The following CHD1L variants were observed in gnomAD, a reference collection of about 807,000 sequenced individuals.
CHD1L encodes ATP-dependent chromatin remodeler CHD1L.
In CHD1L, 118 loss-of-function variants were observed where a neutral mutation model predicts 115.9. The ratio of observed to expected loss-of-function variants is 1.02; its 90% CI spans 0.88 to 1.19. The LOEUF (loss-of-function observed/expected upper bound fraction) is 1.19, where lower values mean the gene tolerates loss of function less well. Ranked by LOEUF, CHD1L falls within the 50% of genes most tolerant of loss-of-function variation. The pLI is 0.00. For missense variants in CHD1L, 1,179 were observed against 1,065.3 expected, an observed-to-expected ratio of 1.11 and a Z score of -1.49; for synonymous variants, 411 against 387.1, an observed-to-expected ratio of 1.06 and a Z score of -0.72.
chr1:147,205,066 C>T, the CHD1L span: 1 of 627,264 alleles, frequency 1.6e-6, no homozygotes, highest in Non-Finnish European at 2.8e-6. Flanking sequence ...CCATACCAGA[C>T]TACATGCAAG....
intron 14 of CHD1L, among the ~76,000 whole-genome samples, chr1:147,276,672 G>C (rs1678594434): frequency 6.6e-6 from 1 of 152,170 alleles, no homozygotes. Context: ...ATGAGATCAG[G>C]AATTCATAAT....
At chr1:147,216,519 C>G in the CHD1L span, among the ~76,000 whole-genome samples, 4 of 152,130 alleles carry the variant, frequency 2.6e-5, no homozygotes, top group Non-Finnish European at 4.4e-5. Flanking sequence ...CCAGCGTTTT[C>G]TGGAGAGCAG....
chr1:147,292,776 T>C (rs1393017698), intron 20 of CHD1L, among the ~76,000 whole-genome samples: 5 of 152,130 alleles, frequency 3.3e-5, no homozygotes, highest in Admixed American at 3.3e-4. Flanking sequence ...TCATGTGAAC[T>C]ACCAGAGCAA....
chr1:147,192,717 A>T, the CHD1L span, among the ~76,000 whole-genome samples: 1 of 152,140 alleles, frequency 6.6e-6, no homozygotes, highest in African/African-American at 2.4e-5. Context: ...AGTTTTTAGC[A>T]TGAAGTGTTG....
At chr1:147,187,422 G>A in the CHD1L span, among the ~76,000 whole-genome samples, 1 of 152,140 alleles carries the variant, frequency 6.6e-6, no homozygotes, top group African/African-American at 2.4e-5. Flanking sequence ...TACAAAAGGA[G>A]ATAAGACAGA....
the CHD1L span, chr1:147,212,633 AT>A: frequency 1.8e-6 from 2 of 1,135,816 alleles, no homozygotes; most frequent in South Asian, 3.0e-5. Context: ...GTTTAAGCAT[AT>A]ATTCTCCAAG....
chr1:147,223,284 C>G, the CHD1L span, among the ~76,000 whole-genome samples: 61,864 of 151,984 alleles, frequency 0.41, 13,211 homozygotes, highest in East Asian at 0.69. Context: ...TGATGATACA[C>G]GTATGCAGGT....
At chr1:147,181,407 C>A in the CHD1L span, among the ~76,000 whole-genome samples, 1 of 152,258 alleles carries the variant, frequency 6.6e-6, no homozygotes, top group Middle Eastern at 3.4e-3. Flanking sequence ...CTAGCCCCAA[C>A]TAAAAACCTC....
the CHD1L span, chr1:147,184,544 TTGA>T: frequency 6.5e-7 from 1 of 1,548,840 alleles, no homozygotes; most frequent in East Asian, 2.5e-5. This position sits in a 1 kb window ranked among gnomAD's most constrained non-coding sequence, Gnocchi z 4.4. Context: ...ACTTTCTTTG[TTGA>T]TGATCTTGAC....
At position 147,265,974 on chromosome 1, in the gene CHD1L, G is replaced by C. The variant is rs202226947; in HGVS notation, c.782G>C (p.Arg261Pro). The C allele has an allele frequency of 6.2e-7, 1 of 1,613,644 alleles. No individual in the cohort carries two copies. Among genetic ancestry groups the C allele is most frequent in the Non-Finnish European group, 8.5e-7 (1 of 1,179,820 alleles). ...CTCTTGCAGCCATTTCTGCTGAGGC[G>C]AGTGAAAGCTGAGGTAGCTACAGAG... ...HKLLQPFLLRRVKAEVATELP... is the reference protein window; with the variant it reads ...HKLLQPFLLRPVKAEVATELP... Residue 261 changes from arginine (R) to proline (P), a missense_variant, in exon 8 of 23, where the codon CGA becomes CCA. Physicochemically the swap from Arg to Pro is moderately radical, Grantham distance 103. Coordinates refer to ENST00000369258, the MANE Select transcript of CHD1L (RefSeq NM_004284.6).
intron 5 of CHD1L, among the ~76,000 whole-genome samples, chr1:147,257,492 C>T (rs899193192): frequency 6.6e-6 from 1 of 151,956 alleles, no homozygotes; most frequent in South Asian, 2.1e-4. Flanking sequence ...GAAAGTCAGT[C>T]ACTGGAAAGA....
intron 1 of CHD1L, among the ~76,000 whole-genome samples, chr1:147,246,133 G>A (rs945140453): frequency 3.3e-5 from 5 of 152,148 alleles, no homozygotes; most frequent in African/African-American, 7.2e-5. Flanking sequence ...AAAATGATAG[G>A]TGAGTAAAAT....
intron 6 of CHD1L, among the ~76,000 whole-genome samples, chr1:147,262,266 C>T (rs1412824014): frequency 1.3e-5 from 2 of 151,284 alleles, no homozygotes; most frequent in Non-Finnish European, 2.9e-5. Flanking sequence ...ACAATTTATG[C>T]GACATTCATG....
intron 8 of CHD1L, among the ~76,000 whole-genome samples, chr1:147,267,087 A>G (rs1674234013): frequency 1.3e-5 from 2 of 152,236 alleles, no homozygotes; most frequent in African/African-American, 2.4e-5. Flanking sequence ...ATTGGAAGTG[A>G]CAAGGGAAAG....
intron 19 of CHD1L, among the ~76,000 whole-genome samples, chr1:147,288,825 G>T (rs6593755): frequency 0.62 from 94,172 of 152,018 alleles, 29,302 homozygotes; most frequent in South Asian, 0.67. Context: ...TAAAGCTGTT[G>T]GGTGCCAGGG....
the CHD1L span, chr1:147,203,582 G>T: frequency 1.9e-6 from 2 of 1,053,580 alleles, no homozygotes; most frequent in Non-Finnish European, 3.0e-6. Context: ...TTCTGCCAGT[G>T]CACGGGGAAT....
At chr1:147,197,380 A>G in the CHD1L span, among the ~76,000 whole-genome samples, 1 of 152,124 alleles carries the variant, frequency 6.6e-6, no homozygotes, top group Admixed American at 6.5e-5. Context: ...TGCTGAATGA[A>G]CAAATCATTA....
At chr1:147,229,638 T>A in the CHD1L span, among the ~76,000 whole-genome samples, 2 of 152,190 alleles carry the variant, frequency 1.3e-5, no homozygotes, top group Admixed American at 6.5e-5. Context: ...TTCCTACCCA[T>A]GAGCATGGAA....
chr1:147,221,603 A>G, the CHD1L span, among the ~76,000 whole-genome samples: 1 of 152,220 alleles, frequency 6.6e-6, no homozygotes, highest in Non-Finnish European at 1.5e-5. Context: ...GATATTTAGA[A>G]AGTCCCTCTG....
Sources: gnomAD v4.1 joint callset for allele counts (sites outside exome capture counted in the v4.1 genomes callset) on GRCh38, gnomAD v4.1.1 for gene constraint, Gnocchi (gnomAD v3.1) non-coding constraint, MANE v1.5 for transcripts, NCBI Gene and HGNC (gene_info 2026-07-23, HGNC 2026-07-21) for gene names.